NBAS: variants seen among roughly 807,000 people sequenced by gnomAD.
NBAS encodes the protein NBAS subunit of NRZ tethering complex, also known as NAG/BC035112 fusion.
In NBAS, 219 loss-of-function variants were observed where a neutral mutation model predicts 302.5. The observed-to-expected ratio is 0.72, with a 90% CI of 0.65 to 0.81. The LOEUF (loss-of-function observed/expected upper bound fraction) is 0.81. Among genes scored for constraint, NBAS ranks in the 30% least tolerant of loss-of-function variants. The pLI is 0.00. For missense variants in NBAS, 2,932 were observed against 2,841.6 expected, an observed-to-expected ratio of 1.03 and a Z score of -0.72; for synonymous variants, 1,118 against 1,021.6, an observed-to-expected ratio of 1.09 and a Z score of -1.80.
the NBAS span, among the ~76,000 whole-genome samples, chr2:14,943,477 T>C: frequency 6.6e-6 from 1 of 152,362 alleles, no homozygotes; most frequent in East Asian, 1.9e-4. Context: ...TGCATTGCAG[T>C]GTCAACCTAG....
intron 36 of NBAS, among the ~76,000 whole-genome samples, chr2:15,330,033 T>A (rs2148230783): frequency 6.6e-6 from 1 of 152,338 alleles, no homozygotes; most frequent in South Asian, 2.1e-4. Flanking sequence ...AGGAAAATAA[T>A]GCCTAATAAG....
At position 15,234,404 on chromosome 2, in the gene NBAS, T is replaced by C. The variant is rs72776629; in HGVS notation, c.6146+141A>G. 98,023 of 833,478 alleles carry C rather than the reference T, an allele frequency of 0.12. 8,233 individuals are homozygous for C. The highest frequency in any genetic ancestry group is 0.32 in the Admixed American group (16,126 of 49,828). 51.6% of individuals were successfully genotyped at this position (833,478 alleles called of 1,614,324 possible). On this transcript the variant is annotated intron_variant, in intron 46 of 51. Coordinates refer to ENST00000281513, the MANE Select transcript of NBAS (RefSeq NM_015909.4). ...TCTCCCTTCTGAAGACATAAGACTA[T>C]GAGAACTCTAAAAATAATCTCTCAC...
chr2:15,252,449 G>C (rs1668407780), intron 44 of NBAS, among the ~76,000 whole-genome samples: 5 of 151,966 alleles, frequency 3.3e-5, no homozygotes, highest in Admixed American at 3.3e-4. Flanking sequence ...AGTGAGCTGA[G>C]ATCGCGCCAT....
chr2:15,017,773 A>G, the NBAS span, among the ~76,000 whole-genome samples: 1 of 152,114 alleles, frequency 6.6e-6, no homozygotes, highest in Non-Finnish European at 1.5e-5. Context: ...GAACTACCAT[A>G]TGATCCTGTA....
chr2:15,527,632 C>T (rs1662975189), intron 9 of NBAS, among the ~76,000 whole-genome samples: 1 of 152,160 alleles, frequency 6.6e-6, no homozygotes, highest in Non-Finnish European at 1.5e-5. Context: ...CTAACGGCCT[C>T]ATCATGTCTT....
intron 48 of NBAS, among the ~76,000 whole-genome samples, chr2:15,207,840 A>G (rs568565312): frequency 1.0e-3 from 154 of 152,266 alleles, no homozygotes; most frequent in African/African-American, 3.5e-3. Context: ...TTTATAAATT[A>G]CTCAGTCTCA....
intron 35 of NBAS, among the ~76,000 whole-genome samples, chr2:15,336,611 T>A (rs7604881): frequency 0.56 from 84,340 of 151,774 alleles, 25,427 homozygotes; most frequent in Middle Eastern, 0.7. Flanking sequence ...ACACCACTAA[T>A]CCCAGCTACT....
chr2:14,998,428 C>T, the NBAS span, among the ~76,000 whole-genome samples: 1 of 152,194 alleles, frequency 6.6e-6, no homozygotes, highest in African/African-American at 2.4e-5. Flanking sequence ...AGACCTGCAA[C>T]AAGACCCTGT....
chr2:15,178,004 T>C lies in NBAS; in HGVS notation c.6840+984A>G, dbSNP rs188714994. ...ATTTCCAAATACAATTATATTCTGC[T>C]TTCTGTAACTATTTACAGAATTTTC... On this transcript the variant is annotated intron_variant, in intron 51 of 51. Coordinates refer to ENST00000281513, the MANE Select transcript of NBAS (RefSeq NM_015909.4). 4.8e-4 allele frequency: 171 copies of C among 355,852 alleles called. 1 individual carries two copies. The highest frequency in any genetic ancestry group is 3.3e-3 in the South Asian group (141 of 42,470). The allele number at this position is 355,852 out of a possible 1,614,324, so 22.0% of individuals were successfully genotyped here.
At chr2:14,892,834 T>C in the NBAS span, among the ~76,000 whole-genome samples, 3 of 152,346 alleles carry the variant, frequency 2.0e-5, no homozygotes, top group South Asian at 6.2e-4. Flanking sequence ...ATCATCTTAT[T>C]TAGACTTGTA....
chr2:15,017,113 G>C, the NBAS span, among the ~76,000 whole-genome samples: 1 of 151,934 alleles, frequency 6.6e-6, no homozygotes, highest in South Asian at 2.1e-4. Context: ...ATATCCCCTA[G>C]GTAGAAGAAT....
the NBAS span, among the ~76,000 whole-genome samples, chr2:14,965,501 A>G: frequency 6.6e-6 from 1 of 152,204 alleles, no homozygotes; most frequent in Non-Finnish European, 1.5e-5. Context: ...TAAATGGCTC[A>G]ATATCTATTA....
chr2:14,986,574 C>T, the NBAS span, among the ~76,000 whole-genome samples: 49 of 151,976 alleles, frequency 3.2e-4, no homozygotes, highest in African/African-American at 1.1e-3. Flanking sequence ...ATATAAAGAC[C>T]TACTTATATT....
chr2:15,068,543 A>C, the NBAS span, among the ~76,000 whole-genome samples: 3 of 152,150 alleles, frequency 2.0e-5, no homozygotes, highest in African/African-American at 7.2e-5. Flanking sequence ...AAGCTAGTCT[A>C]TTTTCCTAGG....
Position 15,474,116 on chromosome 2 carries a change from C to T in NBAS, c.1550G>A (p.Arg517His), listed in dbSNP as rs751978680. Reference sequence around the variant, plus strand: ...TGTCGTGGAGCGCAAACTCACAAGGCGGTAGTTTTTAGTAATGGTTCGTGG... The same window carrying T: ...TGTCGTGGAGCGCAAACTCACAAGGTGGTAGTTTTTAGTAATGGTTCGTGG... ...KRPRTITKNY[R>H]LVSLRSTTPE... The change falls in exon 15 of 52, where the codon CGC (arginine) becomes CAC (histidine). Residue 517 changes from arginine (R) to histidine (H), a missense_variant. By Grantham distance (29) the Arg-to-His change is conservative. Coordinates refer to ENST00000281513, the MANE Select transcript of NBAS (RefSeq NM_015909.4). The T allele has an allele frequency of 6.2e-7, 1 of 1,614,010 alleles. No individual in the cohort carries two copies.
intron 25 of NBAS, among the ~76,000 whole-genome samples, chr2:15,415,321 T>C (rs896013013): frequency 3.3e-5 from 5 of 152,222 alleles, no homozygotes; most frequent in East Asian, 1.9e-4. Context: ...TTCTTAAATA[T>C]AGTAGATGGC....
At chr2:14,877,313 A>G in the NBAS span, among the ~76,000 whole-genome samples, 3 of 152,074 alleles carry the variant, frequency 2.0e-5, no homozygotes, top group Non-Finnish European at 4.4e-5. Flanking sequence ...AACTCTCTTT[A>G]CATTCCACCC....
intron 47 of NBAS, among the ~76,000 whole-genome samples, chr2:15,219,763 T>TC (rs1333111681): frequency 7.2e-6 from 1 of 138,126 alleles, no homozygotes; most frequent in Non-Finnish European, 1.6e-5. Context: ...TTTCTCAATT[T>TC]TTTCCCCACC....
the NBAS span, among the ~76,000 whole-genome samples, chr2:14,875,309 A>G: frequency 6.6e-6 from 1 of 152,186 alleles, no homozygotes; most frequent in Admixed American, 6.5e-5. Flanking sequence ...ATTGCAGGAT[A>G]TGAAATCAAA....
Sources: allele counts gnomAD v4.1 joint callset (sites outside exome capture counted in the v4.1 genomes callset), GRCh38; gene constraint gnomAD v4.1.1; transcripts MANE v1.5; gene names NCBI Gene and HGNC (gene_info 2026-07-23, HGNC 2026-07-21).